The following RBFOX1 variants were observed in gnomAD, a reference collection of about 807,000 sequenced individuals.
RBFOX1 encodes RNA binding protein fox-1 homolog 1.
In RBFOX1, 8 loss-of-function variants were observed where a neutral mutation model predicts 57.7. That is an observed-to-expected ratio of 0.14 (90% CI 0.08 to 0.25). The LOEUF (loss-of-function observed/expected upper bound fraction) is 0.25. Among genes scored for constraint, RBFOX1 ranks in the 10% least tolerant of loss-of-function variants. RBFOX1 has a pLI of 1.00. For synonymous variants in RBFOX1, 326 were observed against 222.4 expected, an observed-to-expected ratio of 1.47 and a Z score of -4.15; for missense variants, 611 against 548.5, an observed-to-expected ratio of 1.11 and a Z score of -1.14.
intron 4 of RBFOX1, among the ~76,000 whole-genome samples, chr16:7,408,090 A>C (rs2098377507): frequency 6.6e-6 from 1 of 152,224 alleles, no homozygotes; most frequent in African/African-American, 2.4e-5. Context: ...GGAGGACAGA[A>C]AGGTTGATTA....
chr16:6,256,244 TA>T (rs1478610401), intron 1 of RBFOX1, among the ~76,000 whole-genome samples: 1 of 96,996 alleles, frequency 1.0e-5, no homozygotes, highest in Non-Finnish European at 1.8e-5. Flanking sequence ...TGTATATATA[TA>T]TGTATATATA....
intron 4 of RBFOX1, among the ~76,000 whole-genome samples, chr16:5,908,286 A>C (rs2058523729): frequency 7.0e-6 from 1 of 142,428 alleles, no homozygotes; most frequent in Non-Finnish European, 1.5e-5. Flanking sequence ...ATACATATAT[A>C]TACACATATA....
chr16:5,872,052 G>A (rs1248888390), intron 4 of RBFOX1, among the ~76,000 whole-genome samples: 1 of 152,096 alleles, frequency 6.6e-6, no homozygotes, highest in East Asian at 1.9e-4. Flanking sequence ...TATTTCTCTT[G>A]TCTTCCAAGC....
intron 3 of RBFOX1, among the ~76,000 whole-genome samples, chr16:6,783,280 T>G (rs990047992): frequency 6.6e-5 from 10 of 151,874 alleles, no homozygotes; most frequent in Admixed American, 3.3e-4. Context: ...TTTAGTTGTT[T>G]TTTGTTGTTG....
At chr16:6,903,666 C>A (rs1320382587) in intron 3 of RBFOX1, among the ~76,000 whole-genome samples, 1 of 152,036 alleles carries the variant, frequency 6.6e-6, no homozygotes, top group African/African-American at 2.4e-5. Flanking sequence ...GTTCTCTTTA[C>A]CTAAAAAGAG....
intron 1 of RBFOX1, among the ~76,000 whole-genome samples, chr16:6,040,580 C>CTT: frequency 6.6e-6 from 1 of 151,668 alleles, no homozygotes; most frequent in Non-Finnish European, 1.5e-5. Flanking sequence ...TTCTCTCTCT[C>CTT]TCTCTTTCTT....
intron 4 of RBFOX1, among the ~76,000 whole-genome samples, chr16:7,137,399 T>A (rs906937559): frequency 6.6e-6 from 1 of 152,132 alleles, no homozygotes; most frequent in Non-Finnish European, 1.5e-5. Context: ...CCCATACTGT[T>A]CTCGTGGTAG....
intron 1 of RBFOX1, among the ~76,000 whole-genome samples, chr16:6,172,798 C>T (rs1390491224): frequency 6.6e-6 from 1 of 152,172 alleles, no homozygotes. Context: ...GCTGCTATAA[C>T]AGATTACTGC....
intron 4 of RBFOX1, among the ~76,000 whole-genome samples, chr16:7,440,508 C>T (rs62015746): frequency 0.029 from 4,387 of 152,210 alleles, 72 homozygotes; most frequent in Middle Eastern, 0.044. Flanking sequence ...ATGTGGCCAG[C>T]ATTAGGCGGC....
At chr16:7,141,970 TCTC>T (rs780702917) in intron 4 of RBFOX1, among the ~76,000 whole-genome samples, 2 of 151,298 alleles carry the variant, frequency 1.3e-5, no homozygotes, top group Non-Finnish European at 2.9e-5. Flanking sequence ...TTATTTTCCT[TCTC>T]CTTCTTCTCC....
intron 3 of RBFOX1, among the ~76,000 whole-genome samples, chr16:6,777,408 G>C (rs2079559900): frequency 6.6e-6 from 1 of 152,148 alleles, no homozygotes; most frequent in East Asian, 1.9e-4. Context: ...TCGGGGAATG[G>C]AACAGGGACA....
chr16:6,087,481 A>G (rs1196769195), intron 1 of RBFOX1, among the ~76,000 whole-genome samples: 1 of 152,160 alleles, frequency 6.6e-6, no homozygotes. Flanking sequence ...CTCTATGTGT[A>G]TACACATATT....
chr16:6,970,107 G>A (rs938319630), intron 3 of RBFOX1, among the ~76,000 whole-genome samples: 1 of 151,988 alleles, frequency 6.6e-6, no homozygotes, highest in Non-Finnish European at 1.5e-5. Flanking sequence ...GAGCCTAGGG[G>A]TTCAAGACTG....
chr16:6,504,475 T>C (rs2096034052), intron 2 of RBFOX1, among the ~76,000 whole-genome samples: 1 of 152,052 alleles, frequency 6.6e-6, no homozygotes. Context: ...AGTGAGAAAA[T>C]TTGCATGAGA....
intron 1 of RBFOX1, among the ~76,000 whole-genome samples, chr16:6,312,695 T>C (rs1042352951): frequency 7.2e-5 from 10 of 138,426 alleles, no homozygotes; most frequent in South Asian, 2.3e-4. Context: ...CTTCCTTCCT[T>C]CCTTCCTTCC....
At chr16:7,285,565 T>C (rs1453468343) in intron 4 of RBFOX1, among the ~76,000 whole-genome samples, 1 of 151,150 alleles carries the variant, frequency 6.6e-6, no homozygotes, top group African/African-American at 2.4e-5. Context: ...CAATTCCTAA[T>C]TTCTGGCAAA....
At chr16:5,753,586 C>T (rs1284877388) in intron 3 of RBFOX1, among the ~76,000 whole-genome samples, 1 of 152,026 alleles carries the variant, frequency 6.6e-6, no homozygotes, top group Non-Finnish European at 1.5e-5. Context: ...CTGGCGAGAG[C>T]CGATTGTGAA....
At chr16:5,528,291 G>A (rs1297935976) in intron 2 of RBFOX1, among the ~76,000 whole-genome samples, 2 of 152,202 alleles carry the variant, frequency 1.3e-5, no homozygotes, top group South Asian at 4.2e-4. Flanking sequence ...AGGACCTGCA[G>A]ATTTCTGGCC....
intron 2 of RBFOX1, among the ~76,000 whole-genome samples, chr16:5,475,433 A>G (rs1029488044): frequency 4.6e-5 from 7 of 152,226 alleles, no homozygotes. Context: ...CTGTGTCCAG[A>G]TAGGATGAGG....
Sources: allele counts gnomAD v4.1 joint callset (sites outside exome capture counted in the v4.1 genomes callset), GRCh38; gene constraint gnomAD v4.1.1; transcripts MANE v1.5; gene names NCBI Gene and HGNC (gene_info 2026-07-23, HGNC 2026-07-21).